Variants in SLIT2 observed in about 807,000 individuals in gnomAD.
SLIT2 encodes slit homolog 2 protein.
In SLIT2, 41 loss-of-function variants were observed where a neutral mutation model predicts 185.7. That is an observed-to-expected ratio of 0.22 (90% CI 0.17 to 0.29). The LOEUF (loss-of-function observed/expected upper bound fraction) is 0.29, where lower values mean the gene tolerates loss of function less well. Among genes scored for constraint, SLIT2 ranks in the 10% least tolerant of loss-of-function variants. The pLI, the probability that SLIT2 is intolerant of heterozygous loss-of-function variation, is 1.00. For missense variants in SLIT2, 1,571 were observed against 1,909.0 expected, an observed-to-expected ratio of 0.82 and a Z score of 3.30; for synonymous variants, 693 against 680.2, an observed-to-expected ratio of 1.02 and a Z score of -0.29.
intron 16 of SLIT2, 83 bp from the exon 17 acceptor site, chr4:20,531,901 T>G: frequency 2.8e-6 from 2 of 723,958 alleles, no homozygotes; most frequent in South Asian, 1.8e-5. Flanking sequence ...TTAAATAATG[T>G]TAGAATTCAT....
chr4:20,413,492 G>A (rs76844471), intron 4 of SLIT2, among the ~76,000 whole-genome samples: 3,133 of 152,010 alleles, frequency 0.021, 94 homozygotes, highest in African/African-American at 0.07. Flanking sequence ...TTTCTATTTT[G>A]TTACTGATTT....
intron 4 of SLIT2, among the ~76,000 whole-genome samples, chr4:20,286,024 TGGA>T (rs1014393655): frequency 6.6e-6 from 1 of 152,218 alleles, no homozygotes; most frequent in Non-Finnish European, 1.5e-5. Context: ...TTCAATAATA[TGGA>T]GGAGGACCAA....
At position 20,548,488 on chromosome 4, in the gene SLIT2, A is replaced by T; in HGVS notation, c.2346A>T (p.Ile782=). 6.4e-7 allele frequency: 1 copy of T among 1,553,520 alleles called. No individual in the cohort carries two copies. Residue 782 remains isoleucine (I), a splice_region_variant and synonymous_variant, in exon 23 of 37, where the codon ATA becomes ATT. Transcript: ENST00000504154. ...ELSNYKHLTL[I]DLSNNRISTL... is the part of the protein sequence containing the mutation. ...TACTCCATTTCTTTTTCTCTTTTAG[A>T]GACTTAAGTAACAACAGAATAAGCA...
At chr4:20,302,720 C>T (rs896658172) in intron 4 of SLIT2, among the ~76,000 whole-genome samples, 1 of 152,112 alleles carries the variant, frequency 6.6e-6, no homozygotes, top group African/African-American at 2.4e-5. Flanking sequence ...GGAGAGTAAT[C>T]GATTGGAGGA....
chr4:20,378,358 C>T (rs1345549398), intron 4 of SLIT2, among the ~76,000 whole-genome samples: 3 of 152,084 alleles, frequency 2.0e-5, no homozygotes, highest in Non-Finnish European at 4.4e-5. Context: ...AATGTGATTA[C>T]AGTTTACATA....
intron 26 of SLIT2, chr4:20,554,488 A>G (rs956251388): frequency 3.6e-5 from 11 of 301,456 alleles, no homozygotes; most frequent in Non-Finnish European, 6.8e-5. Flanking sequence ...GAATCTAAAT[A>G]TTGTCAGAAT....
rs147747680 is a variant in SLIT2 at position 20,291,978 on chromosome 4, G to A, written c.395+23097G>A. 3.5e-4 allele frequency among the ~76,000 whole-genome samples: 53 copies of A among 151,856 alleles called. 1 individual carries two copies. The highest frequency in any genetic ancestry group is 3.1e-3 in the East Asian group (16 of 5,164). On this transcript the variant is annotated intron_variant, in intron 4 of 36. Transcript: ENST00000504154. The stretch of plus-strand genomic sequence containing the variant: ...TCCTGTGTGTATCAGGTGTTCCTGC[G>A]TATGTGCTGAAGAGGAGAATGGATA...
chr4:20,472,250 A>ATATC (rs1553908244), intron 5 of SLIT2, among the ~76,000 whole-genome samples: 1 of 43,952 alleles, frequency 2.3e-5, no homozygotes, highest in East Asian at 1.1e-3. Flanking sequence ...ATATATCTAT[A>ATATC]TATAGATCTA....
At chr4:20,618,695 G>A (rs1729864912) in intron 36 of SLIT2, 73 bp from the exon 37 acceptor site, 2 of 1,449,560 alleles carry the variant, frequency 1.4e-6, no homozygotes, top group Admixed American at 2.2e-5. Context: ...GAATTAAGTT[G>A]TGGATTCACA....
At chr4:20,559,353 G>C (rs1560194808) in intron 26 of SLIT2, among the ~76,000 whole-genome samples, 1 of 151,986 alleles carries the variant, frequency 6.6e-6, no homozygotes, top group Non-Finnish European at 1.5e-5. Flanking sequence ...TATAGTTGCA[G>C]TTGCGTTTAG....
intron 4 of SLIT2, among the ~76,000 whole-genome samples, chr4:20,345,222 A>G (rs989980185): frequency 2.6e-5 from 4 of 152,212 alleles, no homozygotes; most frequent in African/African-American, 9.6e-5. Flanking sequence ...GTGAGAATAG[A>G]GGATATTGGG....
At chr4:20,429,138 C>T (rs1728774342) in intron 4 of SLIT2, among the ~76,000 whole-genome samples, 1 of 151,928 alleles carries the variant, frequency 6.6e-6, no homozygotes, top group African/African-American at 2.4e-5. Flanking sequence ...AGTTTGTGGA[C>T]ATATCCTGGG....
At chr4:20,493,490 T>A (rs1303809801) in intron 9 of SLIT2, among the ~76,000 whole-genome samples, 1 of 152,130 alleles carries the variant, frequency 6.6e-6, no homozygotes, top group African/African-American at 2.4e-5. Context: ...GACATGCAAA[T>A]TGAAAACTAT....
At chr4:20,450,563 A>G (rs908851687) in intron 4 of SLIT2, among the ~76,000 whole-genome samples, 1 of 152,090 alleles carries the variant, frequency 6.6e-6, no homozygotes. Flanking sequence ...CCTATTTTTA[A>G]AGATCTACTC....
At chr4:20,618,589 A>G (rs79934775) in intron 36 of SLIT2, among the ~76,000 whole-genome samples, 179 bp from the exon 37 acceptor site, 2,966 of 152,302 alleles carry the variant, frequency 0.019, 44 homozygotes, top group Middle Eastern at 0.034. Flanking sequence ...TTTGCTGAAA[A>G]TAGAGACTAA....
chr4:20,262,648 A>G (rs2109017784), intron 3 of SLIT2, among the ~76,000 whole-genome samples: 1 of 152,024 alleles, frequency 6.6e-6, no homozygotes, highest in East Asian at 1.9e-4. Flanking sequence ...TAAAGGACAC[A>G]TCAAACTCTA....
chr4:20,572,801 G>A (rs1725723444), intron 29 of SLIT2, among the ~76,000 whole-genome samples: 1 of 152,142 alleles, frequency 6.6e-6, no homozygotes, highest in African/African-American at 2.4e-5. Context: ...TTCACTTAAT[G>A]GGATTACTTA....
At chr4:20,527,379 G>A (rs556777522) in intron 15 of SLIT2, among the ~76,000 whole-genome samples, 2 of 151,880 alleles carry the variant, frequency 1.3e-5, no homozygotes, top group Non-Finnish European at 2.9e-5. Context: ...TCCGCCTCCC[G>A]AGTTCATGCC....
chr4:20,338,467 C>T (rs1163281782), intron 4 of SLIT2, among the ~76,000 whole-genome samples: 2 of 152,036 alleles, frequency 1.3e-5, no homozygotes. Context: ...CACATTTAGT[C>T]AGAAATATGG....
Sources: gnomAD v4.1 joint callset for allele counts (sites outside exome capture counted in the v4.1 genomes callset) on GRCh38, gnomAD v4.1.1 for gene constraint, MANE v1.5 for transcripts, NCBI Gene and HGNC (gene_info 2026-07-23, HGNC 2026-07-21) for gene names.